The following DHX57 variants were observed in gnomAD, a reference collection of about 807,000 sequenced individuals.
DHX57 encodes the protein putative ATP-dependent RNA helicase DHX57.
A neutral mutation model predicts 156.2 loss-of-function variants in DHX57; 105 were observed. The observed-to-expected ratio is 0.67, with a 90% CI of 0.57 to 0.79. The LOEUF (loss-of-function observed/expected upper bound fraction) is 0.79, where lower values mean the gene tolerates loss of function less well. Ranked by LOEUF, DHX57 falls within the 30% of genes least tolerant of loss-of-function variation. DHX57 has a pLI of 0.00. For synonymous variants in DHX57, 704 were observed against 595.6 expected (o/e 1.18, Z -2.65); for missense variants, 1,847 against 1,661.9 (o/e 1.11, Z -1.94).
intron 16 of DHX57, among the ~76,000 whole-genome samples, chr2:38,824,118 C>G (rs1572644250): frequency 6.6e-6 from 1 of 151,996 alleles, no homozygotes; most frequent in African/African-American, 2.4e-5. Context: ...AAGTTCATTA[C>G]AGATGAGTGG....
At chr2:38,852,577 C>G (rs1351585727) in intron 9 of DHX57, among the ~76,000 whole-genome samples, 1 of 151,178 alleles carries the variant, frequency 6.6e-6, no homozygotes, top group Non-Finnish European at 1.5e-5. Flanking sequence ...CCTGGCCCTC[C>G]TCAGTACTTA....
chr2:38,824,583 T>C (rs961367908), intron 16 of DHX57, among the ~76,000 whole-genome samples: 1 of 152,216 alleles, frequency 6.6e-6, no homozygotes, highest in Non-Finnish European at 1.5e-5. Flanking sequence ...AAGGTATTTA[T>C]GAAAAAGGTT....
At chr2:38,816,096 C>T in intron 19 of DHX57, 1 of 469,694 alleles carries the variant, frequency 2.1e-6, no homozygotes, top group Non-Finnish European at 4.4e-6. Flanking sequence ...GTTCCTTACT[C>T]AGGCCTAGAG....
At position 38,799,074 on chromosome 2, in the gene DHX57, G is replaced by A. The variant is rs72911261; in HGVS notation, c.4018-632C>T. ...GCAGGAAAATGGGGAATTAAAAGTG[G>A]TAGAGAGGGCCGGGCCCGGTGGCTC... is the stretch of plus-strand genomic sequence containing the variant. On this transcript the variant is annotated intron_variant, in intron 23 of 23. Transcript: ENST00000457308. Among the ~76,000 whole-genome samples, 602 of 150,984 alleles carry A rather than the reference G, an allele frequency of 4.0e-3. 1 individual carries two copies. The highest frequency in any genetic ancestry group is 0.014 in the African/African-American group (568 of 41,100).
intron 12 of DHX57, among the ~76,000 whole-genome samples, chr2:38,841,524 T>TGGTGATTACCATTCCAC (rs1341429158): frequency 6.6e-6 from 1 of 152,246 alleles, no homozygotes; most frequent in African/African-American, 2.4e-5. Flanking sequence ...CTTAATTCCT[T>TGGTGATTACCATTCCAC]GGTGATTACC....
chr2:38,870,827 C>T (rs969908037), intron 1 of DHX57, among the ~76,000 whole-genome samples: 2 of 151,330 alleles, frequency 1.3e-5, no homozygotes, highest in Non-Finnish European at 2.9e-5. Context: ...TGCAGTGAGC[C>T]GAGATTGCGC....
Position 38,822,950 on chromosome 2 carries a change from G to A in DHX57, c.3291+43C>T, listed in dbSNP as rs745647875. 9 of 1,592,318 alleles carry A rather than the reference G, an allele frequency of 5.7e-6. No individual in the cohort carries two copies. The South Asian group carries it at 1.0e-4, about 18-fold the overall frequency. On this transcript the variant is annotated intron_variant, in intron 17 of 23. Transcript: ENST00000457308. ...CCCATGGTCCCCTTAGAGACCTATG[G>A]TCCTCTTAGAGACTCCAGTTTAGAT...
At chr2:38,826,727 C>G (rs1671106313) in intron 14 of DHX57, 38 bp from the exon 15 acceptor site, 2 of 1,595,086 alleles carry the variant, frequency 1.3e-6, no homozygotes, top group East Asian at 2.2e-5. Context: ...ATTCTAGCAC[C>G]TAGCACCGAA....
chr2:38,838,037 G>A (rs542852550), intron 12 of DHX57, 90 bp from the exon 13 acceptor site: 1 of 812,784 alleles, frequency 1.2e-6, no homozygotes. Context: ...ATATGCCTGT[G>A]AATTAGGTGA....
chr2:38,854,474 A>G (rs1672775476), intron 8 of DHX57: 1 of 197,766 alleles, frequency 5.1e-6, no homozygotes, highest in Non-Finnish European at 1.0e-5. Context: ...CAAGTTCAAG[A>G]GCAAAACAGT....
Position 38,861,940 on chromosome 2 carries a change from T to C in DHX57, c.573-103A>G, listed in dbSNP as rs1673247524. 6 of 1,306,644 alleles carry C rather than the reference T, an allele frequency of 4.6e-6. No individual in the cohort carries two copies. The East Asian group carries it at 1.2e-4, about 27-fold the overall frequency. The allele number at this position is 1,306,644 out of a possible 1,614,324, so 80.9% of individuals were successfully genotyped here. The stretch of plus-strand genomic sequence containing the variant: ...GCTTAGATGAAGTTATGACTACACA[T>C]AGGCAGGGCTTGTATTTTGAAAAAG... On this transcript the variant is annotated intron_variant, in intron 4 of 23. Coordinates refer to ENST00000457308, the MANE Select transcript of DHX57 (RefSeq NM_198963.3).
chr2:38,859,272 T>C (rs1673060864), intron 5 of DHX57, among the ~76,000 whole-genome samples: 2 of 152,148 alleles, frequency 1.3e-5, no homozygotes, highest in Admixed American at 6.5e-5. Flanking sequence ...AAGAAGCCCA[T>C]CTCAAAAAGC....
intron 21 of DHX57, among the ~76,000 whole-genome samples, chr2:38,809,458 T>TG (rs1670124736): frequency 1.0e-5 from 1 of 99,952 alleles, no homozygotes; most frequent in Non-Finnish European, 2.4e-5. Context: ...TTCTTTCTGT[T>TG]TTTTTTTTTT....
intron 12 of DHX57, among the ~76,000 whole-genome samples, chr2:38,839,913 A>G (rs1671892101): frequency 6.6e-6 from 1 of 152,202 alleles, no homozygotes; most frequent in South Asian, 2.1e-4. Context: ...AGGATCAGCT[A>G]ATTGAAAAAA....
At chr2:38,848,442 T>G in intron 9 of DHX57, 40 bp from the exon 10 acceptor site, 1 of 1,545,398 alleles carries the variant, frequency 6.5e-7, no homozygotes, top group Non-Finnish European at 8.7e-7. Context: ...TCAAACAAAT[T>G]CAACACATGA....
At chr2:38,806,523 G>T in intron 22 of DHX57, 36 bp downstream of exon 22, 1 of 1,602,890 alleles carries the variant, frequency 6.2e-7, no homozygotes, top group Non-Finnish European at 8.5e-7. Flanking sequence ...ACCCCAGGAC[G>T]ACCTGTAAAC....
At chr2:38,843,312 C>G (rs1014560789) in intron 11 of DHX57, 102 bp from the exon 12 acceptor site, 2 of 1,191,936 alleles carry the variant, frequency 1.7e-6, no homozygotes, top group African/African-American at 3.0e-5. Context: ...ATGTCACTGT[C>G]TGCCCAATTC....
intron 21 of DHX57, among the ~76,000 whole-genome samples, chr2:38,810,017 C>T (rs1298700334): frequency 6.6e-6 from 1 of 152,012 alleles, no homozygotes; most frequent in African/African-American, 2.4e-5. Context: ...CCTCAGCCTC[C>T]CAAGTAGCTG....
chr2:38,841,102 C>T (rs573468770), intron 12 of DHX57, among the ~76,000 whole-genome samples: 3 of 152,304 alleles, frequency 2.0e-5, no homozygotes, highest in South Asian at 2.1e-4. Context: ...GGATTATAGG[C>T]GTGAGCCACC....
Sources: gnomAD v4.1 joint callset for allele counts (sites outside exome capture counted in the v4.1 genomes callset) on GRCh38, gnomAD v4.1.1 for gene constraint, MANE v1.5 for transcripts, NCBI Gene and HGNC (gene_info 2026-07-23, HGNC 2026-07-21) for gene names.